ANKRD11: variants seen among roughly 807,000 people sequenced by gnomAD.
The protein encoded by ANKRD11 is ankyrin repeat domain-containing protein 11.
ANKRD11 carries 17 observed loss-of-function variants against 195.7 expected under a neutral mutation model. That is an observed-to-expected ratio of 0.09 (90% CI 0.06 to 0.13). The LOEUF (loss-of-function observed/expected upper bound fraction) is 0.13. ANKRD11 is among the 10% of genes least tolerant of loss of function. The pLI, the probability that ANKRD11 is intolerant of heterozygous loss-of-function variation, is 1.00. For missense variants in ANKRD11, 3,735 were observed against 3,566.1 expected (o/e 1.05, Z -1.21); for synonymous variants, 1,953 against 1,528.1 (o/e 1.28, Z -6.49).
At chr16:89,274,189 C>T (rs1026718727) in intron 11 of ANKRD11, among the ~76,000 whole-genome samples, 1 of 152,184 alleles carries the variant, frequency 6.6e-6, no homozygotes, top group African/African-American at 2.4e-5. Context: ...GGGCCCTGGC[C>T]GCCCACATCC....
At chr16:89,347,869 A>G (rs1177051654) in intron 2 of ANKRD11, among the ~76,000 whole-genome samples, 1 of 152,120 alleles carries the variant, frequency 6.6e-6, no homozygotes. Flanking sequence ...AACGTCCTCC[A>G]TCAGACTGAG....
intron 2 of ANKRD11, among the ~76,000 whole-genome samples, chr16:89,325,914 A>T (rs1362442294): frequency 6.6e-6 from 1 of 152,178 alleles, no homozygotes; most frequent in Non-Finnish European, 1.5e-5. Flanking sequence ...GGGCATGAGC[A>T]TGACGACGGA....
At chr16:89,348,594 A>C (rs911579430) in intron 2 of ANKRD11, among the ~76,000 whole-genome samples, 4 of 152,202 alleles carry the variant, frequency 2.6e-5, no homozygotes, top group Non-Finnish European at 5.9e-5. Flanking sequence ...CTTTGTGGGA[A>C]GGGTGTTAAC....
chr16:89,433,447 G>C (rs563139492), intron 1 of ANKRD11, among the ~76,000 whole-genome samples: 3 of 152,194 alleles, frequency 2.0e-5, no homozygotes, highest in Non-Finnish European at 4.4e-5. Context: ...CACTACCACC[G>C]ACAGGCTTTC....
chr16:89,286,978 A>G (rs938200459), intron 7 of ANKRD11: 33 of 1,289,798 alleles, frequency 2.6e-5, no homozygotes, highest in Non-Finnish European at 2.5e-5. Context: ...GACATGTTCT[A>G]TTGTTGAATC....
chr16:89,351,106 G>C (rs146073144), intron 2 of ANKRD11, among the ~76,000 whole-genome samples: 6 of 152,306 alleles, frequency 3.9e-5, no homozygotes, highest in African/African-American at 1.4e-4. Flanking sequence ...GTACCTCAAA[G>C]AAGCTCTCAG....
At chr16:89,441,767 C>CAAAAAAAAAAAAAAAAAAAAA (rs57747159) in intron 1 of ANKRD11, among the ~76,000 whole-genome samples, 1 of 52,372 alleles carries the variant, frequency 1.9e-5, no homozygotes, top group Non-Finnish European at 3.2e-5. Context: ...ACTCCGCCTA[C>CAAAAAAAAAAAAAAAAAAAAA]AAAAAAAAAA....
chr16:89,488,519 C>G (rs549840061), intron 1 of ANKRD11, among the ~76,000 whole-genome samples: 2 of 148,974 alleles, frequency 1.3e-5, no homozygotes, highest in East Asian at 2.1e-4. Context: ...TCTAACAGAA[C>G]TCGAAGTCTT....
At chr16:89,357,648 C>T (rs772939940) in intron 2 of ANKRD11, among the ~76,000 whole-genome samples, 1 of 152,200 alleles carries the variant, frequency 6.6e-6, no homozygotes, top group Non-Finnish European at 1.5e-5. Context: ...AAGCAGAATG[C>T]GTCTGCACAC....
At chr16:89,389,176 G>A (rs972085083) in intron 2 of ANKRD11, among the ~76,000 whole-genome samples, 4 of 151,922 alleles carry the variant, frequency 2.6e-5, no homozygotes, top group Non-Finnish European at 4.4e-5. Flanking sequence ...ACGCCACTAC[G>A]TCTGGCTAAT....
intron 2 of ANKRD11, among the ~76,000 whole-genome samples, chr16:89,354,600 G>A (rs1329482715): frequency 6.6e-6 from 1 of 152,226 alleles, no homozygotes; most frequent in East Asian, 1.9e-4. Context: ...TACAAAAGCT[G>A]GCAGGGCACG....
At chr16:89,405,235 A>T (rs2041858501) in intron 2 of ANKRD11, among the ~76,000 whole-genome samples, 1 of 152,178 alleles carries the variant, frequency 6.6e-6, no homozygotes, top group Non-Finnish European at 1.5e-5. Context: ...AGGAGGTACC[A>T]CATATGCGGT....
At chr16:89,384,879 C>CTTTTTTTTTTTTTTTTTTTTTTTTTGTT (rs2040835489) in intron 2 of ANKRD11, among the ~76,000 whole-genome samples, 1 of 49,910 alleles carries the variant, frequency 2.0e-5, no homozygotes, top group Non-Finnish European at 3.5e-5. Context: ...AAATAGTTTT[C>CTTTTTTTTTTTTTTTTTTTTTTTTTGTT]TTTTTTTTTT....
At chr16:89,361,766 A>C (rs1459622971) in intron 2 of ANKRD11, 2 of 152,252 alleles carry the variant, frequency 1.3e-5, no homozygotes, top group African/African-American at 4.8e-5. Context: ...AAATGTCTCT[A>C]AGGACTAAGG....
chr16:89,427,532 C>T (rs2152259463), intron 1 of ANKRD11, among the ~76,000 whole-genome samples: 1 of 152,310 alleles, frequency 6.6e-6, no homozygotes, highest in South Asian at 2.1e-4. Flanking sequence ...GGTGGTGGCT[C>T]ACGCCTGTAA....
At position 89,411,860 on chromosome 16, in the gene ANKRD11, C is replaced by A. The variant is rs933052043; in HGVS notation, c.-60+6424G>T. Among the ~76,000 whole-genome samples the A allele has an allele frequency of 5.8e-4, 88 of 152,314 alleles. 1 individual carries two copies. Among genetic ancestry groups the A allele is most frequent in the Admixed American group, 5.7e-3 (87 of 15,300 alleles). On this transcript the variant is annotated intron_variant, in intron 2 of 12. Transcript: ENST00000301030. Reference sequence around the variant, plus strand: ...ACTTGAGGAATCCAATGGCCAGTAACGAAGATGCCTCCCAGAGTCTCCTGG... The same window carrying A: ...ACTTGAGGAATCCAATGGCCAGTAAAGAAGATGCCTCCCAGAGTCTCCTGG...
intron 9 of ANKRD11, chr16:89,278,782 G>A (rs1444180006): frequency 1.6e-6 from 1 of 611,808 alleles, no homozygotes; most frequent in Non-Finnish European, 3.1e-6. Flanking sequence ...GCGTGAAGGG[G>A]GAGCCCCACA....
intron 1 of ANKRD11, among the ~76,000 whole-genome samples, chr16:89,470,067 G>A (rs948033736): frequency 8.6e-5 from 13 of 151,050 alleles, no homozygotes; most frequent in African/African-American, 2.2e-4. Flanking sequence ...CACCACGCCC[G>A]GCTAATTTTT....
At chr16:89,314,654 C>A (rs1181549746) in intron 3 of ANKRD11, among the ~76,000 whole-genome samples, 1 of 152,212 alleles carries the variant, frequency 6.6e-6, no homozygotes, top group Non-Finnish European at 1.5e-5. Context: ...ACCACCTCCT[C>A]AATAAGCATA....
Sources: allele counts gnomAD v4.1 joint callset (sites outside exome capture counted in the v4.1 genomes callset), GRCh38; gene constraint gnomAD v4.1.1; transcripts MANE v1.5; gene names NCBI Gene and HGNC (gene_info 2026-07-23, HGNC 2026-07-21).